TMEM170B: variants seen among roughly 807,000 people sequenced by gnomAD.
TMEM170B encodes the protein transmembrane protein 170B.
A neutral mutation model predicts 13.0 loss-of-function variants in TMEM170B; 6 were observed. The ratio of observed to expected loss-of-function variants is 0.46; its 90% CI spans 0.25 to 0.91. The LOEUF is 0.91. Among genes scored for constraint, TMEM170B ranks in the 40% least tolerant of loss-of-function variants. TMEM170B has a pLI of 0.17. For missense variants in TMEM170B, 138 were observed against 165.2 expected (o/e 0.84, Z 0.90); for synonymous variants, 61 against 64.9 (o/e 0.94, Z 0.29).
In TMEM170B at chr6:11,575,569, G is replaced by T. The variant is rs1759864291; in HGVS notation, c.*8G>T. The T allele has an allele frequency of 6.2e-7, 1 of 1,612,542 alleles. No homozygotes were observed. On this transcript the variant is annotated 3_prime_UTR_variant, in exon 3 of 3. Coordinates refer to ENST00000379426, the MANE Select transcript of TMEM170B (RefSeq NM_001100829.3). The surrounding 1 kb of genome is among the most constrained non-coding windows in gnomAD (Gnocchi z 4.1). The stretch of plus-strand genomic sequence containing the variant: ...ATCCTCGCTACACTTTGAGGTTTCT[G>T]TGGGAATGTCTTACTTCACATAAGG...
chr6:11,558,022 G>T (rs1032156024), intron 1 of TMEM170B, among the ~76,000 whole-genome samples: 1 of 152,146 alleles, frequency 6.6e-6, no homozygotes, highest in African/African-American at 2.4e-5. Flanking sequence ...CGATCCTCCT[G>T]CCTCAGCCTC....
intron 1 of TMEM170B, among the ~76,000 whole-genome samples, 167 bp downstream of exon 1, chr6:11,538,541 C>T (rs1006302501): frequency 1.3e-5 from 2 of 152,148 alleles, no homozygotes; most frequent in South Asian, 2.1e-4. Context: ...CTGCGCGTGT[C>T]CCGGGGGCGC....
chr6:11,556,732 C>T (rs1265138422), intron 1 of TMEM170B, among the ~76,000 whole-genome samples: 1 of 152,144 alleles, frequency 6.6e-6, no homozygotes, highest in African/African-American at 2.4e-5. Flanking sequence ...CTGCTTCTCT[C>T]CCAGGAATAG....
chr6:11,544,999 C>G (rs1292600475), intron 1 of TMEM170B, among the ~76,000 whole-genome samples: 3 of 151,022 alleles, frequency 2.0e-5, no homozygotes, highest in Admixed American at 2.0e-4. Context: ...TGGCTTCCAT[C>G]TTAGTGTTCT....
At position 11,582,438 on chromosome 6, in the gene TMEM170B, G is replaced by T. The variant is rs1399283230; in HGVS notation, c.*6877G>T. On this transcript the variant is annotated 3_prime_UTR_variant, in exon 3 of 3. Coordinates refer to ENST00000379426, the MANE Select transcript of TMEM170B (RefSeq NM_001100829.3). Reference sequence around the variant, plus strand: ...CAAAGTTTAGAAAGCCTAACGAATAGTAGCTACTAACTTCATATGGTTCAA... The same window carrying T: ...CAAAGTTTAGAAAGCCTAACGAATATTAGCTACTAACTTCATATGGTTCAA... The T allele has an allele frequency of 6.6e-6, 1 of 152,186 alleles. No homozygotes were observed. The highest frequency in any genetic ancestry group is 2.1e-4 in the South Asian group (1 of 4,834). 9.4% of individuals were successfully genotyped at this position (152,186 alleles called of 1,614,324 possible). A position where few individuals can be genotyped will look rare whatever the true frequency, so the allele number is the denominator to read the frequency against.
intron 1 of TMEM170B, among the ~76,000 whole-genome samples, chr6:11,543,408 C>T (rs931866152): frequency 3.3e-5 from 5 of 151,972 alleles, no homozygotes; most frequent in African/African-American, 1.2e-4. Flanking sequence ...TTATACATAC[C>T]TTTAAAACAT....
intron 1 of TMEM170B, among the ~76,000 whole-genome samples, chr6:11,540,039 ATACTT>A (rs889752743): frequency 6.6e-6 from 1 of 152,244 alleles, no homozygotes; most frequent in African/African-American, 2.4e-5. Flanking sequence ...TAATTTAAAA[ATACTT>A]TATTGCTGAA....
chr6:11,539,915 G>A (rs1275562464), intron 1 of TMEM170B, among the ~76,000 whole-genome samples: 2 of 152,136 alleles, frequency 1.3e-5, no homozygotes, highest in Non-Finnish European at 2.9e-5. Context: ...AGCAAATATT[G>A]CAATAAAGTG....
At chr6:11,540,860 A>G (rs1405542073) in intron 1 of TMEM170B, among the ~76,000 whole-genome samples, 1 of 152,236 alleles carries the variant, frequency 6.6e-6, no homozygotes, top group Non-Finnish European at 1.5e-5. Context: ...TGCAGAATGG[A>G]TGTTGTGTTA....
At position 11,576,163 on chromosome 6, in the gene TMEM170B, A is replaced by G. The variant is rs1321922979; in HGVS notation, c.*602A>G. 3 of 152,212 alleles carry G rather than the reference A, an allele frequency of 2.0e-5. No individual in the cohort carries two copies. Among genetic ancestry groups the G allele is most frequent in the African/African-American group, 7.2e-5 (3 of 41,446 alleles). The allele number at this position is 152,212 out of a possible 1,614,324, so 9.4% of individuals were successfully genotyped here. On this transcript the variant is annotated 3_prime_UTR_variant, in exon 3 of 3. Coordinates refer to ENST00000379426, the MANE Select transcript of TMEM170B (RefSeq NM_001100829.3). ...TTTAGGTATTATTGTTATTTAATTG[A>G]TGTGGAAGATAAGTCTTCTTAACTG...
rs145470932 is a variant in TMEM170B at position 11,580,334 on chromosome 6, A to G, written c.*4773A>G. The G allele has an allele frequency of 2.4e-4, 37 of 152,138 alleles. No homozygotes were observed. Among genetic ancestry groups the G allele is most frequent in the African/African-American group, 8.0e-4 (33 of 41,490 alleles). The allele number at this position is 152,138 out of a possible 1,614,324, so 9.4% of individuals were successfully genotyped here. On this transcript the variant is annotated 3_prime_UTR_variant, in exon 3 of 3. Coordinates refer to ENST00000379426, the MANE Select transcript of TMEM170B (RefSeq NM_001100829.3). ...AGCCTATTTTTTTTTAACTTCAAAT[A>G]CTATTATTTTAAATTTATGTTCATT...
At chr6:11,572,835 G>C (rs1759823066) in intron 2 of TMEM170B, among the ~76,000 whole-genome samples, 1 of 152,036 alleles carries the variant, frequency 6.6e-6, no homozygotes, top group African/African-American at 2.4e-5. Context: ...GTATGTACTA[G>C]TAGAGAATAT....
chr6:11,550,917 G>A (rs1315167080), intron 1 of TMEM170B, among the ~76,000 whole-genome samples: 1 of 152,200 alleles, frequency 6.6e-6, no homozygotes, highest in Non-Finnish European at 1.5e-5. Context: ...ATATTCTTGA[G>A]TATTAACTTA....
At chr6:11,574,230 C>T (rs564964334) in intron 2 of TMEM170B, among the ~76,000 whole-genome samples, 1 of 152,042 alleles carries the variant, frequency 6.6e-6, no homozygotes, top group African/African-American at 2.4e-5. Context: ...TTGTAAAGTT[C>T]CTGCAAAATA....
At chr6:11,543,372 G>A (rs944748529) in intron 1 of TMEM170B, among the ~76,000 whole-genome samples, 10 of 152,188 alleles carry the variant, frequency 6.6e-5, no homozygotes, top group Admixed American at 5.2e-4. Context: ...AGAATGAAGT[G>A]TTTAAGCAAC....
chr6:11,568,595 T>C (rs1173172431), intron 2 of TMEM170B, among the ~76,000 whole-genome samples: 1 of 152,232 alleles, frequency 6.6e-6, no homozygotes, highest in Non-Finnish European at 1.5e-5. Context: ...TGCAGTGTTA[T>C]ATTTTTAAAT....
At chr6:11,551,852 A>G (rs1175306960) in intron 1 of TMEM170B, among the ~76,000 whole-genome samples, 3 of 152,204 alleles carry the variant, frequency 2.0e-5, no homozygotes, top group East Asian at 1.9e-4. Context: ...TGAACTGCCT[A>G]TGGGTTGGTA....
In TMEM170B at chr6:11,545,280, CTG is replaced by C. The variant is rs1210551633; in HGVS notation, c.97+6936_97+6937del. On this transcript the variant is annotated intron_variant, in intron 1 of 2. Transcript: ENST00000379426. ...TTAAAAGGCTTCTCTCTCTCTCTCT[CTG>C]TGTGTGTGTGTGTGTGTGTGTGTGT... Among the ~76,000 whole-genome samples, 408 of 139,416 alleles carry C rather than the reference CTG, an allele frequency of 2.9e-3. 1 individual carries two copies. Among genetic ancestry groups the C allele is most frequent in the Admixed American group, 5.8e-3 (81 of 13,976 alleles). The allele number at this position is 139,416 out of a possible 152,430, so 91.5% of individuals were successfully genotyped here.
intron 1 of TMEM170B, among the ~76,000 whole-genome samples, chr6:11,563,905 G>T (rs1010795187): frequency 5.3e-5 from 8 of 152,232 alleles, no homozygotes; most frequent in African/African-American, 1.9e-4. Context: ...AGGAGATGGA[G>T]GCTGCAGTGA....
Sources: allele counts gnomAD v4.1 joint callset (sites outside exome capture counted in the v4.1 genomes callset), GRCh38; gene constraint gnomAD v4.1.1; non-coding constraint Gnocchi (gnomAD v3.1); transcripts MANE v1.5; gene names NCBI Gene and HGNC (gene_info 2026-07-23, HGNC 2026-07-21).